The following SHTN1 variants were observed in gnomAD, a reference collection of about 807,000 sequenced individuals.
SHTN1 encodes shootin 1.
SHTN1 carries 42 observed loss-of-function variants against 83.1 expected under a neutral mutation model. The ratio of observed to expected loss-of-function variants is 0.51; its 90% confidence interval spans 0.39 to 0.65. The LOEUF (loss-of-function observed/expected upper bound fraction) is 0.65, where lower values mean the gene tolerates loss of function less well. SHTN1 is among the 30% of genes least tolerant of loss of function. The pLI is 0.00. For missense variants in SHTN1, 622 were observed against 737.8 expected, an observed-to-expected ratio of 0.84 and a Z score of 1.82; for synonymous variants, 224 against 247.7, an observed-to-expected ratio of 0.90 and a Z score of 0.90.
chr10:116,881,722 G>A lies in SHTN1; in HGVS notation c.*4622C>T, dbSNP rs964015550. 7.5e-7 allele frequency: 1 copy of A among 1,327,832 alleles called. No individual in the cohort carries two copies. The highest frequency in any genetic ancestry group is 9.7e-7 in the Non-Finnish European group (1 of 1,025,770). 82.3% of individuals were successfully genotyped at this position (1,327,832 alleles called of 1,614,324 possible). ...CACCATCAGTATTAGTAGACCGGGA[G>A]GTCTGAAGTACGGCGCCGTGTCTCC... is the stretch of plus-strand genomic sequence containing the variant. On this transcript the variant is annotated 3_prime_UTR_variant, in exon 17 of 17. Coordinates refer to ENST00000355371, the MANE Select transcript of SHTN1 (RefSeq NM_001127211.3).
intron 1 of SHTN1, among the ~76,000 whole-genome samples, chr10:117,108,742 C>T (rs917552963): frequency 6.6e-5 from 10 of 151,892 alleles, no homozygotes; most frequent in Non-Finnish European, 1.3e-4. Context: ...AGAAAAAGTA[C>T]GTATTACCAT....
In SHTN1 at chr10:116,885,031, G is replaced by A. The variant is rs1027840365; in HGVS notation, c.*1313C>T. The A allele has an allele frequency of 3.3e-5, 5 of 152,434 alleles. No individual in the cohort carries two copies. The highest frequency in any genetic ancestry group is 1.3e-4 in the Admixed American group (2 of 15,278). 9.4% of individuals were successfully genotyped at this position (152,434 alleles called of 1,614,324 possible). A position where few individuals can be genotyped will look rare whatever the true frequency, so the allele number is the denominator to read the frequency against. On this transcript the variant is annotated 3_prime_UTR_variant, in exon 17 of 17. Coordinates refer to ENST00000355371, the MANE Select transcript of SHTN1 (RefSeq NM_001127211.3). Reference sequence around the variant, plus strand: ...GAACATGGAAACAGTCAAGCATAACGAACTTACAGAAAGATAATTATCTCC... The same window carrying A: ...GAACATGGAAACAGTCAAGCATAACAAACTTACAGAAAGATAATTATCTCC...
chr10:116,931,135 C>CAA (rs57720678), intron 9 of SHTN1, among the ~76,000 whole-genome samples: 20,230 of 130,764 alleles, frequency 0.15, 2,738 homozygotes, highest in African/African-American at 0.38. Flanking sequence ...CAAAAGTCTT[C>CAA]AAAAAAAAAA....
In SHTN1 at chr10:116,968,801, C is replaced by T; in HGVS notation, c.112-89G>A. The T allele has an allele frequency of 4.1e-6, 4 of 983,594 alleles. No individual in the cohort carries two copies. In the South Asian group the frequency reaches 5.8e-5, roughly 14 times the overall value. 60.9% of individuals were successfully genotyped at this position (983,594 alleles called of 1,614,324 possible). On this transcript the variant is annotated intron_variant, in intron 2 of 16. Transcript: ENST00000355371. The stretch of plus-strand genomic sequence containing the variant: ...GCAAGAGCAAACTTATAAACAACAG[C>T]AATTTTCTGAAAACAAAACAAAATT...
At chr10:117,106,303 A>G (rs1272650069) in intron 1 of SHTN1, among the ~76,000 whole-genome samples, 1 of 151,824 alleles carries the variant, frequency 6.6e-6, no homozygotes, top group Admixed American at 6.6e-5. Flanking sequence ...AAAAATACAA[A>G]AATTAGTTGG....
At chr10:117,084,580 C>T (rs1282530511) in intron 1 of SHTN1, among the ~76,000 whole-genome samples, 2 of 152,302 alleles carry the variant, frequency 1.3e-5, no homozygotes, top group Admixed American at 6.5e-5. Flanking sequence ...TCGAGCTTCC[C>T]GGCTGCTTTG....
chr10:116,889,515 T>G (rs1223090152), intron 16 of SHTN1, among the ~76,000 whole-genome samples: 1 of 152,058 alleles, frequency 6.6e-6, no homozygotes, highest in Non-Finnish European at 1.5e-5. Flanking sequence ...AGAATCCCAG[T>G]GGAAGGTGGA....
At chr10:116,896,626 T>C (rs971793569) in intron 16 of SHTN1, among the ~76,000 whole-genome samples, 2 of 152,168 alleles carry the variant, frequency 1.3e-5, no homozygotes, top group Admixed American at 6.5e-5. Flanking sequence ...TTGAATATAG[T>C]GGTGATTAAA....
At chr10:116,972,937 T>C (rs1397898660) in intron 2 of SHTN1, among the ~76,000 whole-genome samples, 8 of 152,220 alleles carry the variant, frequency 5.3e-5, no homozygotes. Flanking sequence ...CTATTTTCCA[T>C]ATCTCTTCCT....
At chr10:116,911,476 T>C (rs1192825218) in intron 14 of SHTN1, 10 of 1,550,236 alleles carry the variant, frequency 6.5e-6, no homozygotes, top group Admixed American at 3.9e-5. Context: ...CATCAACATG[T>C]ACGGACCCTT....
intron 2 of SHTN1, among the ~76,000 whole-genome samples, chr10:117,045,714 A>G (rs1852651851): frequency 6.6e-6 from 1 of 152,220 alleles, no homozygotes; most frequent in Admixed American, 6.5e-5. Context: ...CCAGCTTTGA[A>G]CAGAAAATTC....
Position 116,884,604 on chromosome 10 carries a change from T to G in SHTN1, c.*1740A>C, listed in dbSNP as rs1847110527. On this transcript the variant is annotated 3_prime_UTR_variant, in exon 17 of 17. Coordinates refer to ENST00000355371, the MANE Select transcript of SHTN1 (RefSeq NM_001127211.3). The stretch of plus-strand genomic sequence containing the variant: ...TTTTATATTCCTAAATGTGTGTGAG[T>G]TGCATGCTGGCAGACAGATCACAGA... 5.2e-6 allele frequency: 1 copy of G among 190,538 alleles called. No individual in the cohort carries two copies. Among genetic ancestry groups the G allele is most frequent in the African/African-American group, 2.4e-5 (1 of 42,270 alleles). 11.8% of individuals were successfully genotyped at this position (190,538 alleles called of 1,614,324 possible).
intron 2 of SHTN1, among the ~76,000 whole-genome samples, chr10:117,033,139 G>T (rs1189621647): frequency 2.0e-5 from 3 of 151,576 alleles, no homozygotes. Flanking sequence ...AACTAGAAAA[G>T]CAAGAGCAAA....
chr10:117,112,183 G>A (rs188748573), intron 1 of SHTN1, among the ~76,000 whole-genome samples: 1 of 152,142 alleles, frequency 6.6e-6, no homozygotes, highest in Non-Finnish European at 1.5e-5. Flanking sequence ...TCAGGCTGGT[G>A]TCGAATTCCT....
At chr10:116,945,081 G>A in intron 7 of SHTN1, 63 bp from the exon 8 acceptor site, 1 of 996,872 alleles carries the variant, frequency 1.0e-6, no homozygotes, top group Non-Finnish European at 1.5e-6. Context: ...CAGGAATATG[G>A]ATGAAAAACA....
At chr10:116,891,434 G>A (rs759689091) in intron 16 of SHTN1, among the ~76,000 whole-genome samples, 2 of 152,142 alleles carry the variant, frequency 1.3e-5, no homozygotes, top group South Asian at 4.1e-4. Flanking sequence ...ACGCACAGCC[G>A]GACGGTCTGA....
At chr10:117,097,773 C>T (rs1157638004) in intron 1 of SHTN1, among the ~76,000 whole-genome samples, 3 of 152,202 alleles carry the variant, frequency 2.0e-5, no homozygotes, top group South Asian at 2.1e-4. Context: ...ATCTTTAACA[C>T]CATAATTATT....
chr10:117,092,548 C>G (rs1396350312), intron 1 of SHTN1, among the ~76,000 whole-genome samples: 1 of 152,078 alleles, frequency 6.6e-6, no homozygotes, highest in African/African-American at 2.4e-5. Flanking sequence ...CCAATAAAAA[C>G]AAAGGGGAAG....
intron 14 of SHTN1, 28 bp downstream of exon 14, chr10:116,911,762 T>C (rs75242161): frequency 0.025 from 39,912 of 1,596,910 alleles, 679 homozygotes; most frequent in Admixed American, 0.064. Context: ...CCCCATTAGC[T>C]AAACAATAAA....
Sources: gnomAD v4.1 joint callset for allele counts (sites outside exome capture counted in the v4.1 genomes callset) on GRCh38, gnomAD v4.1.1 for gene constraint, MANE v1.5 for transcripts, NCBI Gene and HGNC (gene_info 2026-07-23, HGNC 2026-07-21) for gene names.